FKTN: variants seen among roughly 807,000 people sequenced by gnomAD.
The protein encoded by FKTN is fukutin.
Under a neutral mutation model 58.6 loss-of-function variants are expected in FKTN, and 47 were observed. That is an observed-to-expected ratio of 0.80 (90% CI 0.63 to 1.02). The LOEUF is 1.02. Among genes scored for constraint, FKTN ranks in the 50% least tolerant of loss-of-function variants. The probability of loss-of-function intolerance (pLI) is 0.00; values close to 1 mark genes in which losing one functional copy is unlikely to be tolerated. For synonymous variants in FKTN, 178 were observed against 191.9 expected (o/e 0.93, Z 0.60); for missense variants, 516 against 537.3 (o/e 0.96, Z 0.39).
chr9:105,575,152 T>TCTTTCTTATCATTCCTC lies in FKTN; in HGVS notation c.105+29_105+45dup. On this transcript the variant is annotated intron_variant, in intron 3 of 10. Coordinates refer to ENST00000357998, the MANE Select transcript of FKTN (RefSeq NM_001079802.2). Reference sequence around the variant, plus strand: ...TATCAACAAAGGTAATTTTATTCCTTCTTTCTTATCATTCCTCCTTTCTTA... The same window carrying TCTTTCTTATCATTCCTC: ...TATCAACAAAGGTAATTTTATTCCTTCTTTCTTATCATTCCTCCTTTCTTATCATTCCTCCTTTCTTA... The TCTTTCTTATCATTCCTC allele has an allele frequency of 7.7e-7, 1 of 1,296,424 alleles. No individual in the cohort carries two copies. Among genetic ancestry groups the TCTTTCTTATCATTCCTC allele is most frequent in the Non-Finnish European group, 1.1e-6 (1 of 889,838 alleles). 80.3% of individuals were successfully genotyped at this position (1,296,424 alleles called of 1,614,324 possible). A position where few individuals can be genotyped will look rare whatever the true frequency, so the allele number is the denominator to read the frequency against.
chr9:105,575,211 C>T (rs1483400248), intron 3 of FKTN, 74 bp downstream of exon 3: 12 of 884,576 alleles, frequency 1.4e-5, no homozygotes, highest in African/African-American at 3.3e-5. Flanking sequence ...CTTCTCTTTG[C>T]AATACATAAT....
At chr9:105,572,745 A>G (rs1185580696) in intron 1 of FKTN, among the ~76,000 whole-genome samples, 1 of 152,244 alleles carries the variant, frequency 6.6e-6, no homozygotes, top group Non-Finnish European at 1.5e-5. Context: ...CCTGTCTCTG[A>G]CATCTGGAAG....
intron 1 of FKTN, among the ~76,000 whole-genome samples, chr9:105,570,252 G>A (rs1244605331): frequency 1.3e-5 from 2 of 152,004 alleles, no homozygotes; most frequent in South Asian, 2.1e-4. Context: ...TGTATTTTTA[G>A]TATACTTAGC....
chr9:105,621,748 G>A (rs1831992623), intron 10 of FKTN, among the ~76,000 whole-genome samples: 1 of 152,000 alleles, frequency 6.6e-6, no homozygotes, highest in African/African-American at 2.4e-5. Context: ...TGTTCCAAAT[G>A]AGTATGTATA....
At chr9:105,571,565 A>G (rs1840739555) in intron 1 of FKTN, among the ~76,000 whole-genome samples, 1 of 152,202 alleles carries the variant, frequency 6.6e-6, no homozygotes, top group South Asian at 2.1e-4. Context: ...ATATTAATTT[A>G]GATTTTATGC....
At chr9:105,615,779 AC>A (rs1293294769) in intron 8 of FKTN, among the ~76,000 whole-genome samples, 1 of 152,172 alleles carries the variant, frequency 6.6e-6, no homozygotes, top group Non-Finnish European at 1.5e-5. Context: ...CTTTCCCTAT[AC>A]ATACATATGA....
At chr9:105,581,122 G>T (rs1466556971) in intron 3 of FKTN, among the ~76,000 whole-genome samples, 2 of 148,586 alleles carry the variant, frequency 1.3e-5, no homozygotes, top group Admixed American at 6.7e-5. Flanking sequence ...ATGTCCTCCC[G>T]TAGCTCAGAG....
At chr9:105,619,108 T>A (rs538634415) in intron 9 of FKTN, among the ~76,000 whole-genome samples, 1 of 151,372 alleles carries the variant, frequency 6.6e-6, no homozygotes, top group African/African-American at 2.4e-5. Flanking sequence ...TTTTCCATCA[T>A]AAATAGTTAT....
chr9:105,602,497 A>G (rs1172733097), intron 5 of FKTN, among the ~76,000 whole-genome samples: 1 of 152,196 alleles, frequency 6.6e-6, no homozygotes, highest in Non-Finnish European at 1.5e-5. Flanking sequence ...ACCCAGAATC[A>G]GCACATGGGT....
At chr9:105,622,068 T>G (rs1421769347) in intron 10 of FKTN, among the ~76,000 whole-genome samples, 1 of 152,082 alleles carries the variant, frequency 6.6e-6, no homozygotes, top group Non-Finnish European at 1.5e-5. Context: ...GTTTATTTTT[T>G]AAAAGTGCAC....
intron 10 of FKTN, among the ~76,000 whole-genome samples, chr9:105,634,673 A>G (rs1833872604): frequency 6.6e-6 from 1 of 152,220 alleles, no homozygotes; most frequent in African/African-American, 2.4e-5. Flanking sequence ...AAGAAAAGAA[A>G]AAGATCATTT....
At chr9:105,620,386 C>T (rs1831654749) in intron 10 of FKTN, among the ~76,000 whole-genome samples, 1 of 152,204 alleles carries the variant, frequency 6.6e-6, no homozygotes, top group Non-Finnish European at 1.5e-5. Context: ...GAAACCTTAG[C>T]TCCACCCTAA....
chr9:105,572,065 A>T (rs1181410292), intron 1 of FKTN, among the ~76,000 whole-genome samples: 3 of 152,192 alleles, frequency 2.0e-5, no homozygotes, highest in Non-Finnish European at 2.9e-5. Flanking sequence ...ACTGAATACA[A>T]AAACTAATAC....
intron 3 of FKTN, among the ~76,000 whole-genome samples, chr9:105,586,338 A>G (rs1843903677): frequency 6.6e-6 from 1 of 152,212 alleles, no homozygotes. Context: ...CCTTTAGTGT[A>G]GTGTCCTTGT....
rs756352503 is a variant in FKTN at position 105,636,634 on chromosome 9, G to T, written c.*1370G>T. The T allele has an allele frequency of 2.5e-6, 3 of 1,224,128 alleles. No homozygotes were observed. Among genetic ancestry groups the T allele is most frequent in the South Asian group, 2.9e-5 (2 of 69,278 alleles). 75.8% of individuals were successfully genotyped at this position (1,224,128 alleles called of 1,614,324 possible). On this transcript the variant is annotated 3_prime_UTR_variant, in exon 11 of 11. Transcript: ENST00000357998. ...TTGTAAGTGAGAGGTAAAGGAAAATGTAGGCACAATAAGCACTGCTATTTT... is the reference window on the plus strand; with the variant it reads ...TTGTAAGTGAGAGGTAAAGGAAAATTTAGGCACAATAAGCACTGCTATTTT...
chr9:105,637,708 G>A lies in FKTN; in HGVS notation c.*2444G>A, dbSNP rs1247725676. Reference sequence around the variant, plus strand: ...GCTTACCTGGGGAAGTTGACAACTTGTTGGTAGTTAGGCACCCATGAATGT... The same window carrying A: ...GCTTACCTGGGGAAGTTGACAACTTATTGGTAGTTAGGCACCCATGAATGT... On this transcript the variant is annotated 3_prime_UTR_variant, in exon 11 of 11. Coordinates refer to ENST00000357998, the MANE Select transcript of FKTN (RefSeq NM_001079802.2). 1 of 985,400 alleles carries A rather than the reference G, an allele frequency of 1.0e-6. No homozygotes were observed. The highest frequency in any genetic ancestry group is 1.2e-6 in the Non-Finnish European group (1 of 829,942). 61.0% of individuals were successfully genotyped at this position (985,400 alleles called of 1,614,324 possible). A position where few individuals can be genotyped will look rare whatever the true frequency, so the allele number is the denominator to read the frequency against.
chr9:105,636,110 C>T lies in FKTN; in HGVS notation c.*846C>T, dbSNP rs1834016449. 1.0e-6 allele frequency: 1 copy of T among 973,974 alleles called. No homozygotes were observed. Among genetic ancestry groups the T allele is most frequent in the Non-Finnish European group, 1.2e-6 (1 of 819,766 alleles). The allele number at this position is 973,974 out of a possible 1,614,324, so 60.3% of individuals were successfully genotyped here. On this transcript the variant is annotated 3_prime_UTR_variant, in exon 11 of 11. Transcript: ENST00000357998. Reference sequence around the variant, plus strand: ...AACTCATTTTTATTTTATTCTCAGACAGTCTGTTAGGTAAAAATATGAGAA... The same window carrying T: ...AACTCATTTTTATTTTATTCTCAGATAGTCTGTTAGGTAAAAATATGAGAA...
intron 10 of FKTN, among the ~76,000 whole-genome samples, chr9:105,625,555 G>C (rs1202858561): frequency 1.3e-5 from 2 of 152,168 alleles, no homozygotes; most frequent in Non-Finnish European, 2.9e-5. Flanking sequence ...CTGGTATAGT[G>C]AGGAAGACTT....
At chr9:105,624,108 G>T (rs1320917634) in intron 10 of FKTN, among the ~76,000 whole-genome samples, 1 of 152,076 alleles carries the variant, frequency 6.6e-6, no homozygotes, top group Non-Finnish European at 1.5e-5. Context: ...GATACATATT[G>T]CCAGGTTGCA....
Sources: allele counts gnomAD v4.1 joint callset (sites outside exome capture counted in the v4.1 genomes callset), GRCh38; gene constraint gnomAD v4.1.1; transcripts MANE v1.5; gene names NCBI Gene and HGNC (gene_info 2026-07-23, HGNC 2026-07-21).